Variants in SCHIP1 observed in about 807,000 individuals in gnomAD.
SCHIP1 encodes schwannomin-interacting protein 1.
SCHIP1 carries 8 observed loss-of-function variants against 29.7 expected under a neutral mutation model. The ratio of observed to expected loss-of-function variants is 0.27; its 90% CI spans 0.16 to 0.49. SCHIP1 has a LOEUF of 0.49. Ranked by LOEUF, SCHIP1 falls within the 20% of genes least tolerant of loss-of-function variation. The pLI is 0.99. For missense variants in SCHIP1, 193 were observed against 294.6 expected, an observed-to-expected ratio of 0.66 and a Z score of 2.52; for synonymous variants, 76 against 94.9, an observed-to-expected ratio of 0.80 and a Z score of 1.16.
At chr3:159,274,318 A>C in the SCHIP1 span, 1 of 981,730 alleles carries the variant, frequency 1.0e-6, no homozygotes, top group Non-Finnish European at 1.2e-6. Context: ...TTTAGATTAT[A>C]CTTTCAGTTA....
the SCHIP1 span, chr3:159,274,452 A>T: frequency 1.2e-6 from 1 of 814,382 alleles, no homozygotes; most frequent in Non-Finnish European, 1.5e-6. Context: ...TAGAAATAAC[A>T]GACAATTTTA....
chr3:159,461,662 G>A, the SCHIP1 span, among the ~76,000 whole-genome samples: 10 of 150,520 alleles, frequency 6.6e-5, no homozygotes, highest in East Asian at 4.0e-4. Context: ...TGCAACCTCC[G>A]CCTCCCTGGT....
At chr3:159,538,997 G>A in the SCHIP1 span, among the ~76,000 whole-genome samples, 3 of 152,020 alleles carry the variant, frequency 2.0e-5, no homozygotes, top group African/African-American at 7.2e-5. Flanking sequence ...ATCCATGGAT[G>A]GTTATATAAG....
the SCHIP1 span, among the ~76,000 whole-genome samples, chr3:159,377,565 C>T: frequency 6.6e-6 from 1 of 152,136 alleles, no homozygotes; most frequent in Non-Finnish European, 1.5e-5. Context: ...TTTGGTTAGT[C>T]ATTTGAGATG....
the SCHIP1 span, among the ~76,000 whole-genome samples, chr3:159,348,289 G>T: frequency 6.6e-6 from 1 of 152,244 alleles, no homozygotes; most frequent in East Asian, 1.9e-4. Flanking sequence ...AGGAAGTGTA[G>T]TAAGAAAGTT....
the SCHIP1 span, among the ~76,000 whole-genome samples, chr3:159,316,245 T>G: frequency 1.4e-4 from 22 of 152,136 alleles, no homozygotes; most frequent in Admixed American, 4.6e-4. Flanking sequence ...GGTCACAAGG[T>G]TCCACCATAG....
chr3:159,494,762 G>A, the SCHIP1 span, among the ~76,000 whole-genome samples: 1 of 152,048 alleles, frequency 6.6e-6, no homozygotes, highest in Middle Eastern at 3.2e-3. Context: ...TTTTAGGCCA[G>A]CATCATCCTG....
chr3:159,335,678 AT>A, the SCHIP1 span, among the ~76,000 whole-genome samples: 3 of 152,054 alleles, frequency 2.0e-5, no homozygotes, highest in African/African-American at 7.2e-5. Flanking sequence ...TGAACTCATC[AT>A]TTTTTATGGC....
chr3:159,726,535 G>A, the SCHIP1 span, among the ~76,000 whole-genome samples: 1 of 152,170 alleles, frequency 6.6e-6, no homozygotes, highest in Admixed American at 6.5e-5. Flanking sequence ...CTCTCCCAGT[G>A]AAATAAAAAT....
chr3:159,504,961 G>C, the SCHIP1 span, among the ~76,000 whole-genome samples: 3 of 152,172 alleles, frequency 2.0e-5, no homozygotes, highest in Non-Finnish European at 4.4e-5. Context: ...CCTTCTCAAA[G>C]AAGGAAGATT....
At chr3:159,605,670 C>T in the SCHIP1 span, among the ~76,000 whole-genome samples, 1 of 152,066 alleles carries the variant, frequency 6.6e-6, no homozygotes, top group South Asian at 2.1e-4. Flanking sequence ...AAAACAGCTA[C>T]GTTAAAGTTT....
At chr3:159,778,289 G>C in the SCHIP1 span, among the ~76,000 whole-genome samples, 1 of 152,090 alleles carries the variant, frequency 6.6e-6, no homozygotes, top group Admixed American at 6.5e-5. Context: ...CACCGCGCCC[G>C]GCTAGGAAAC....
chr3:159,381,730 G>A, the SCHIP1 span, among the ~76,000 whole-genome samples: 2 of 152,080 alleles, frequency 1.3e-5, no homozygotes, highest in African/African-American at 4.8e-5. Flanking sequence ...CAAGCAGCTG[G>A]GACTATAGGC....
chr3:159,678,789 G>T, the SCHIP1 span, among the ~76,000 whole-genome samples: 1 of 152,172 alleles, frequency 6.6e-6, no homozygotes, highest in African/African-American at 2.4e-5. Context: ...TTACAATCGT[G>T]GTGGAAGGCA....
the SCHIP1 span, among the ~76,000 whole-genome samples, chr3:159,396,138 C>G: frequency 0.58 from 68,914 of 119,666 alleles, 20,862 homozygotes; most frequent in East Asian, 0.69. Context: ...GACTAGGATT[C>G]CAACCCCTGC....
At chr3:159,379,134 G>A in the SCHIP1 span, among the ~76,000 whole-genome samples, 1 of 152,006 alleles carries the variant, frequency 6.6e-6, no homozygotes. Context: ...TATAGCCTGT[G>A]GTGGCTTTTT....
chr3:159,629,506 C>G, the SCHIP1 span, among the ~76,000 whole-genome samples: 1 of 152,166 alleles, frequency 6.6e-6, no homozygotes, highest in Non-Finnish European at 1.5e-5. Context: ...AAGGATGAAT[C>G]ATGCCTATCA....
the SCHIP1 span, among the ~76,000 whole-genome samples, chr3:159,293,990 T>C: frequency 1.3e-5 from 2 of 152,198 alleles, no homozygotes; most frequent in Non-Finnish European, 2.9e-5. Context: ...TGGTTCCCAG[T>C]ACTGTCCAAA....
chr3:159,674,549 C>T, the SCHIP1 span, among the ~76,000 whole-genome samples: 9 of 143,208 alleles, frequency 6.3e-5, no homozygotes, highest in African/African-American at 2.4e-4. Flanking sequence ...GAAACCTGTC[C>T]ATGCATAGCA....
Sources: allele counts gnomAD v4.1 joint callset (sites outside exome capture counted in the v4.1 genomes callset), GRCh38; gene constraint gnomAD v4.1.1; transcripts MANE v1.5; gene names NCBI Gene and HGNC (gene_info 2026-07-23, HGNC 2026-07-21).